NCOA2: variants seen among roughly 807,000 people sequenced by gnomAD.
The protein encoded by NCOA2 is class E basic helix-loop-helix protein 75.
In NCOA2, 21 loss-of-function variants were observed where a neutral mutation model predicts 145.1. The ratio of observed to expected loss-of-function variants is 0.14; its 90% CI spans 0.10 to 0.21. The LOEUF is 0.21. Ranked by LOEUF, NCOA2 falls within the 10% of genes least tolerant of loss-of-function variation. The pLI is 1.00. For synonymous variants in NCOA2, 619 were observed against 637.5 expected (o/e 0.97, Z 0.44); for missense variants, 1,472 against 1,837.6 (o/e 0.80, Z 3.64).
intron 2 of NCOA2, among the ~76,000 whole-genome samples, chr8:70,227,174 T>C (rs939259252): frequency 2.0e-5 from 3 of 152,242 alleles, no homozygotes; most frequent in Non-Finnish European, 2.9e-5. Flanking sequence ...CGAGTGTCTC[T>C]GTCAGGGATG....
chr8:70,431,903 G>A, the NCOA2 span, among the ~76,000 whole-genome samples: 5 of 152,122 alleles, frequency 3.3e-5, no homozygotes, highest in Non-Finnish European at 7.4e-5. Context: ...AGATACAGAC[G>A]TATTTTCAAA....
intron 2 of NCOA2, among the ~76,000 whole-genome samples, chr8:70,264,387 TG>T (rs1400092054): frequency 3.3e-5 from 5 of 151,960 alleles, no homozygotes; most frequent in African/African-American, 7.2e-5. Flanking sequence ...ATCAGCTCCT[TG>T]GGAGGCTGAG....
At chr8:70,304,710 T>G (rs144366481) in intron 1 of NCOA2, among the ~76,000 whole-genome samples, 2,091 of 152,050 alleles carry the variant, frequency 0.014, 60 homozygotes, top group African/African-American at 0.048. Flanking sequence ...TTGGTCAGAC[T>G]GGTCTTGAAC....
At chr8:70,193,487 T>C (rs1816917504) in intron 4 of NCOA2, among the ~76,000 whole-genome samples, 1 of 152,128 alleles carries the variant, frequency 6.6e-6, no homozygotes, top group African/African-American at 2.4e-5. Context: ...GAGACAAAAA[T>C]ATGTAACAAC....
chr8:70,188,497 C>G (rs965194865), intron 4 of NCOA2, among the ~76,000 whole-genome samples: 1 of 152,138 alleles, frequency 6.6e-6, no homozygotes, highest in South Asian at 2.1e-4. Flanking sequence ...TAAAATAATG[C>G]ATGTGAAGCA....
intron 1 of NCOA2, among the ~76,000 whole-genome samples, chr8:70,301,672 A>G (rs926247691): frequency 1.3e-5 from 2 of 150,764 alleles, no homozygotes; most frequent in Admixed American, 1.3e-4. Flanking sequence ...AAAAAAAAAA[A>G]AAAAAAAAGA....
intron 14 of NCOA2, 107 bp downstream of exon 14, chr8:70,141,077 G>T: frequency 9.2e-7 from 1 of 1,089,020 alleles, no homozygotes; most frequent in Non-Finnish European, 1.3e-6. Flanking sequence ...CTTCATGGGA[G>T]GATTATCTAA....
intron 12 of NCOA2, among the ~76,000 whole-genome samples, chr8:70,145,928 G>T (rs537699833): frequency 3.9e-4 from 59 of 152,202 alleles, no homozygotes; most frequent in Non-Finnish European, 5.7e-4. Flanking sequence ...ACCGTGTCTG[G>T]CTCCCAATAG....
intron 2 of NCOA2, among the ~76,000 whole-genome samples, chr8:70,260,352 C>T (rs1241946195): frequency 6.6e-6 from 1 of 152,054 alleles, no homozygotes; most frequent in Non-Finnish European, 1.5e-5. Context: ...AAGCTAATCT[C>T]GATCTCCTGG....
the NCOA2 span, among the ~76,000 whole-genome samples, chr8:70,437,913 T>C: frequency 7.2e-5 from 11 of 152,242 alleles, no homozygotes; most frequent in South Asian, 8.3e-4. Flanking sequence ...ATCCCCTTTC[T>C]ACTGCAAAGA....
At chr8:70,445,378 C>T in the NCOA2 span, among the ~76,000 whole-genome samples, 1 of 152,084 alleles carries the variant, frequency 6.6e-6, no homozygotes, top group African/African-American at 2.4e-5. Flanking sequence ...TCAGTTTTTC[C>T]ACAGTTAACT....
In NCOA2 at chr8:70,156,649, G is replaced by C. The variant is rs1194969563; in HGVS notation, c.1716C>G (p.Pro572=). The change falls in exon 11 of 23, where the codon CCC becomes CCG. Residue 572 remains proline, a synonymous_variant. Coordinates refer to ENST00000452400, the MANE Select transcript of NCOA2 (RefSeq NM_006540.4). ...CCAAGCTTCCCATCTTGCTGAGTGG[G>C]GGAGGATTCATATTAACTGGGGAGT... ...LQNSPVNMNP[P]PLSKMGSLDS... 11 of 1,613,828 alleles carry C rather than the reference G, an allele frequency of 6.8e-6. No individual in the cohort carries two copies. Among genetic ancestry groups the C allele is most frequent in the Non-Finnish European group, 9.3e-6 (11 of 1,179,896 alleles).
At chr8:70,151,047 A>T (rs951189656) in intron 11 of NCOA2, among the ~76,000 whole-genome samples, 13 of 152,200 alleles carry the variant, frequency 8.5e-5, no homozygotes, top group Non-Finnish European at 1.6e-4. Flanking sequence ...GAGCATTTTT[A>T]AAAGGTAGAA....
chr8:70,315,134 C>A (rs1805487571), intron 1 of NCOA2, among the ~76,000 whole-genome samples: 1 of 152,178 alleles, frequency 6.6e-6, no homozygotes, highest in Non-Finnish European at 1.5e-5. Context: ...AAGGGATGAT[C>A]ATCTAGCTTG....
intron 15 of NCOA2, among the ~76,000 whole-genome samples, chr8:70,133,189 A>T (rs964029250): frequency 7.3e-6 from 1 of 136,510 alleles, no homozygotes; most frequent in Non-Finnish European, 1.5e-5. Flanking sequence ...TGCCACCACA[A>T]CTGGCTGCTA....
At chr8:70,118,231 G>A (rs1807367247) in intron 22 of NCOA2, among the ~76,000 whole-genome samples, 1 of 152,206 alleles carries the variant, frequency 6.6e-6, no homozygotes, top group South Asian at 2.1e-4. Flanking sequence ...ATAGAGATAT[G>A]ATACGCTCAG....
At chr8:70,415,673 G>A in the NCOA2 span, among the ~76,000 whole-genome samples, 875 of 152,142 alleles carry the variant, frequency 5.8e-3, 5 homozygotes, top group African/African-American at 0.02. Context: ...TACTTTGCTG[G>A]GCACGGGTTA....
intron 9 of NCOA2, among the ~76,000 whole-genome samples, chr8:70,161,835 GAGA>G (rs1315117043): frequency 6.6e-6 from 1 of 152,148 alleles, no homozygotes; most frequent in African/African-American, 2.4e-5. Flanking sequence ...GGGACACAGA[GAGA>G]AGGACAGTCT....
At chr8:70,384,338 T>G (rs967321407) in intron 1 of NCOA2, among the ~76,000 whole-genome samples, 3 of 152,050 alleles carry the variant, frequency 2.0e-5, no homozygotes, top group African/African-American at 7.2e-5. Context: ...TTCATTTTTC[T>G]GAGAAAATTA....
Sources: allele counts gnomAD v4.1 joint callset (sites outside exome capture counted in the v4.1 genomes callset), GRCh38; gene constraint gnomAD v4.1.1; transcripts MANE v1.5; gene names NCBI Gene and HGNC (gene_info 2026-07-23, HGNC 2026-07-21).